The following PLA2G4D variants were observed in gnomAD, a reference collection of about 807,000 sequenced individuals.
The protein encoded by PLA2G4D is phospholipase A2 group IVD.
PLA2G4D carries 80 observed loss-of-function variants against 94.4 expected under a neutral mutation model. The observed-to-expected ratio is 0.85, with a 90% CI of 0.71 to 1.02. PLA2G4D has a LOEUF of 1.02. Among genes scored for constraint, PLA2G4D ranks in the 50% least tolerant of loss-of-function variants. PLA2G4D has a pLI of 0.00. For missense variants in PLA2G4D, 1,050 were observed against 1,034.7 expected, an observed-to-expected ratio of 1.01 and a Z score of -0.20; for synonymous variants, 438 against 440.9, an observed-to-expected ratio of 0.99 and a Z score of 0.08.
Position 42,081,478 on chromosome 15 carries a change from C to T in PLA2G4D, c.957+1G>A. ...ACACACATCCCTCTGCACCCCCAGA[C>T]CTCATCCTCCTGCAGGTCTCTGTCC... On this transcript the variant is annotated splice_donor_variant, in intron 11 of 19. Transcript: ENST00000290472. LOFTEE classifies it high-confidence loss of function. The T allele has an allele frequency of 6.2e-7, 1 of 1,613,468 alleles. No individual in the cohort carries two copies. Among genetic ancestry groups the T allele is most frequent in the Non-Finnish European group, 8.5e-7 (1 of 1,179,636 alleles).
intron 1 of PLA2G4D, among the ~76,000 whole-genome samples, chr15:42,093,809 C>G (rs28559599): frequency 0.012 from 1,890 of 152,294 alleles, 41 homozygotes; most frequent in East Asian, 0.11. Context: ...TCATTCCTGG[C>G]CACCACCTGG....
intron 13 of PLA2G4D, 79 bp from the exon 14 acceptor site, chr15:42,072,471 A>T: frequency 8.6e-7 from 1 of 1,157,124 alleles, no homozygotes; most frequent in South Asian, 1.3e-5. Context: ...CAGGGGCAGG[A>T]TGGGGGACCT....
At chr15:42,088,446 G>A (rs1890192815) in intron 1 of PLA2G4D, among the ~76,000 whole-genome samples, 1 of 152,184 alleles carries the variant, frequency 6.6e-6, no homozygotes, top group African/African-American at 2.4e-5. Flanking sequence ...GAGGGGCGTG[G>A]CTGAGGCCTG....
At chr15:42,070,923 C>A (rs1192712256) in intron 17 of PLA2G4D, 40 bp from the exon 18 acceptor site, 1 of 1,590,482 alleles carries the variant, frequency 6.3e-7, no homozygotes, top group East Asian at 2.3e-5. Flanking sequence ...CACCACCCTG[C>A]CACAGGTCAT....
intron 13 of PLA2G4D, among the ~76,000 whole-genome samples, chr15:42,073,402 A>G (rs1371720236): frequency 6.6e-6 from 1 of 152,206 alleles, no homozygotes; most frequent in Non-Finnish European, 1.5e-5. Context: ...ATGCTGAGCT[A>G]GAATTGCAAA....
chr15:42,087,187 T>A, intron 3 of PLA2G4D, 113 bp downstream of exon 3: 1 of 1,397,364 alleles, frequency 7.2e-7, no homozygotes, highest in Non-Finnish European at 9.9e-7. Flanking sequence ...AGAGACCCCC[T>A]ACTGCTGAGA....
rs564862434 is a variant in PLA2G4D at position 42,070,067 on chromosome 15, C to G, written c.2072G>C (p.Arg691Pro). 10 of 1,521,186 alleles carry G rather than the reference C, an allele frequency of 6.6e-6. No individual in the cohort carries two copies. The highest frequency in any genetic ancestry group is 8.8e-6 in the Non-Finnish European group (10 of 1,134,796). 94.2% of individuals were successfully genotyped at this position (1,521,186 alleles called of 1,614,324 possible). ...EALQQTELYC[R>P]ARGLPFPRVE... is the part of the protein sequence containing the mutation. ...CCGGGGGAAGGGCAGCCCCCGGGCC[C>G]GGCAGTACAGCTCCGTCTGCTGCAG... The change falls in exon 19 of 20, where the codon CGG becomes CCG. Residue 691 changes from arginine (R) to proline (P), a missense_variant. Arg to Pro is a moderately radical substitution (Grantham distance 103, BLOSUM62 -2). Transcript: ENST00000290472.
At chr15:42,079,854 G>C in intron 12 of PLA2G4D, 95 bp from the exon 13 acceptor site, 1 of 1,234,400 alleles carries the variant, frequency 8.1e-7, no homozygotes, top group Non-Finnish European at 1.1e-6. Flanking sequence ...CCTGACACGT[G>C]GCTCCTGCCA....
At chr15:42,070,143 A>G (rs910379376) in intron 18 of PLA2G4D, 48 bp from the exon 19 acceptor site, 1 of 1,416,760 alleles carries the variant, frequency 7.1e-7, no homozygotes, top group Non-Finnish European at 9.2e-7. Context: ...GCCCAGGTCA[A>G]TGCTGGGCCA....
At chr15:42,091,123 A>T (rs925867023) in intron 1 of PLA2G4D, among the ~76,000 whole-genome samples, 1 of 152,212 alleles carries the variant, frequency 6.6e-6, no homozygotes, top group Non-Finnish European at 1.5e-5. Context: ...GTAGGGTGAC[A>T]ATACTGTACT....
chr15:42,076,351 T>G (rs8028109), intron 13 of PLA2G4D, among the ~76,000 whole-genome samples: 3,868 of 152,220 alleles, frequency 0.025, 129 homozygotes, highest in African/African-American at 0.075. Flanking sequence ...TTTAAAAATT[T>G]TATAAGAATG....
At chr15:42,085,192 C>T (rs1357125624) in intron 5 of PLA2G4D, 54 bp from the exon 6 acceptor site, 3 of 1,605,678 alleles carry the variant, frequency 1.9e-6, no homozygotes, top group Admixed American at 3.3e-5. Flanking sequence ...ACCTCCCGCT[C>T]CCGCCCATGT....
chr15:42,087,887 T>C (rs560495140), intron 1 of PLA2G4D, among the ~76,000 whole-genome samples, 187 bp from the exon 2 acceptor site: 131 of 152,302 alleles, frequency 8.6e-4, no homozygotes, highest in Non-Finnish European at 1.4e-3. Context: ...TTGGGGGTCA[T>C]GGTTCTGGGC....
In PLA2G4D at chr15:42,071,153, A is replaced by C. The variant is rs1424883476; in HGVS notation, c.1846T>G (p.Cys616Gly). 1.2e-6 allele frequency: 2 copies of C among 1,612,732 alleles called. No individual in the cohort carries two copies. Among genetic ancestry groups the C allele is most frequent in the East Asian group, 4.5e-5 (2 of 44,880 alleles). The stretch of plus-strand genomic sequence containing the variant: ...CAGGTGGAGAAGTCTTTGTGGCTAC[A>C]GTAGTCCTGGTGCAGCTGGAGGCCC... ...LQGLQLHQDYCSHKDFSTWAD... is the reference protein window; with the variant it reads ...LQGLQLHQDYGSHKDFSTWAD... Residue 616 changes from cysteine (C) to glycine (G), a missense_variant, in exon 17 of 20, where the codon TGT becomes GGT. Cys to Gly is a radical substitution (Grantham distance 159). Coordinates refer to ENST00000290472, the MANE Select transcript of PLA2G4D (RefSeq NM_178034.4).
intron 17 of PLA2G4D, 49 bp downstream of exon 17, chr15:42,071,074 C>T (rs1344559662): frequency 6.3e-7 from 1 of 1,588,844 alleles, no homozygotes; most frequent in Admixed American, 1.9e-5. Flanking sequence ...TGCCACACCA[C>T]CCAGAGGCCC....
At chr15:42,092,711 G>A (rs1210630357) in intron 1 of PLA2G4D, among the ~76,000 whole-genome samples, 6 of 152,164 alleles carry the variant, frequency 3.9e-5, no homozygotes, top group Non-Finnish European at 7.3e-5. Context: ...GACCCCAGAG[G>A]CTCTGGGCCA....
intron 13 of PLA2G4D, among the ~76,000 whole-genome samples, chr15:42,076,026 T>C (rs1191494820): frequency 1.3e-5 from 2 of 152,188 alleles, no homozygotes; most frequent in African/African-American, 4.8e-5. Flanking sequence ...AGTGGACTGG[T>C]AACTTGGCCT....
chr15:42,082,483 G>T, intron 8 of PLA2G4D, 94 bp from the exon 9 acceptor site: 1 of 747,144 alleles, frequency 1.3e-6, no homozygotes, highest in Non-Finnish European at 2.3e-6. Flanking sequence ...CATTCTCCCT[G>T]ATAATACAGA....
At chr15:42,072,002 C>G in intron 14 of PLA2G4D, 91 bp from the exon 15 acceptor site, 1 of 1,487,454 alleles carries the variant, frequency 6.7e-7, no homozygotes, top group Non-Finnish European at 9.1e-7. Context: ...CTGCCCCCAG[C>G]AGGCCTGAGC....
Sources: gnomAD v4.1 joint callset for allele counts (sites outside exome capture counted in the v4.1 genomes callset) on GRCh38, gnomAD v4.1.1 for gene constraint, MANE v1.5 for transcripts, NCBI Gene and HGNC (gene_info 2026-07-23, HGNC 2026-07-21) for gene names.